ST8SIA2: variants seen among roughly 807,000 people sequenced by gnomAD.
The protein encoded by ST8SIA2 is ST8 alpha-N-acetyl-neuraminide alpha-2,8-sialyltransferase 2.
In ST8SIA2, 22 loss-of-function variants were observed where a neutral mutation model predicts 37.6. That is an observed-to-expected ratio of 0.58 (90% CI 0.42 to 0.83). The LOEUF (loss-of-function observed/expected upper bound fraction) is 0.83, where lower values mean the gene tolerates loss of function less well. ST8SIA2 is among the 40% of genes least tolerant of loss of function. ST8SIA2 has a pLI of 0.00. For missense variants in ST8SIA2, 382 were observed against 484.7 expected (o/e 0.79, Z 1.99); for synonymous variants, 205 against 201.2 (o/e 1.02, Z -0.16).
At position 92,399,213 on chromosome 15, in the gene ST8SIA2, G is replaced by A. The variant is rs929694983; in HGVS notation, c.98+5051G>A. On this transcript the variant is annotated intron_variant, in intron 1 of 5. Coordinates refer to ENST00000268164, the MANE Select transcript of ST8SIA2 (RefSeq NM_006011.4). ...TCAAAAGGGCCTGCCTCGATACTAC[G>A]TGCTGTATATTTGGGCATCTAGGTG... is the stretch of plus-strand genomic sequence containing the variant. 6.2e-4 allele frequency among the ~76,000 whole-genome samples: 94 copies of A among 152,184 alleles called. 1 individual carries two copies. Among genetic ancestry groups the A allele is most frequent in the Non-Finnish European group, 1.3e-4 (9 of 68,040 alleles).
intron 5 of ST8SIA2, among the ~76,000 whole-genome samples, chr15:92,453,819 A>T (rs925268009): frequency 9.9e-5 from 15 of 152,212 alleles, no homozygotes; most frequent in African/African-American, 3.6e-4. Context: ...GGGAATAAAA[A>T]AGTCAATAGA....
intron 5 of ST8SIA2, among the ~76,000 whole-genome samples, chr15:92,461,783 G>A (rs2049959482): frequency 6.6e-6 from 1 of 152,188 alleles, no homozygotes; most frequent in Non-Finnish European, 1.5e-5. Context: ...AAATGCCTGG[G>A]GGGCTACTAG....
At position 92,444,711 on chromosome 15, in the gene ST8SIA2, G is replaced by A. The variant is rs533826176; in HGVS notation, c.624G>A (p.Ser208=). Residue 208 remains serine, a synonymous_variant, in exon 5 of 6, where the codon TCG becomes TCA. Coordinates refer to ENST00000268164, the MANE Select transcript of ST8SIA2 (RefSeq NM_006011.4). Reference sequence around the variant, plus strand: ...CAGACCTGGTAACCATGAACCCCTCGGTCATCCAGCGGGCCTTTGAGGACT... The same window carrying A: ...CAGACCTGGTAACCATGAACCCCTCAGTCATCCAGCGGGCCTTTGAGGACT... ...LKTDLVTMNP[S]VIQRAFEDLV... 184 of 1,614,216 alleles carry A rather than the reference G, an allele frequency of 1.1e-4. 1 individual carries two copies. In the South Asian group the frequency reaches 1.7e-3, roughly 15 times the overall value.
At chr15:92,400,429 G>A (rs1803085410) in intron 1 of ST8SIA2, among the ~76,000 whole-genome samples, 2 of 152,196 alleles carry the variant, frequency 1.3e-5, no homozygotes, top group Admixed American at 6.5e-5. Flanking sequence ...GCTCCCAAAA[G>A]TACATACTAT....
chr15:92,427,226 T>A (rs1397464601), intron 1 of ST8SIA2, among the ~76,000 whole-genome samples: 2 of 147,498 alleles, frequency 1.4e-5, no homozygotes, highest in African/African-American at 5.0e-5. Context: ...GTCTATTATG[T>A]CTTAATAAAG....
Position 92,454,525 on chromosome 15 carries a change from T to G in ST8SIA2, c.843-9575T>G, listed in dbSNP as rs57961494. Among the ~76,000 whole-genome samples the G allele has an allele frequency of 8.5e-3, 1,299 of 152,140 alleles. 24 individuals are homozygous for G. Among genetic ancestry groups the G allele is most frequent in the African/African-American group, 0.028 (1,173 of 41,492 alleles). The stretch of plus-strand genomic sequence containing the variant: ...GATGGCCTCCCTTCCCACTCTGAGA[T>G]TCTCTCATTCAACACATCTGAGTCT... On this transcript the variant is annotated intron_variant, in intron 5 of 5. Coordinates refer to ENST00000268164, the MANE Select transcript of ST8SIA2 (RefSeq NM_006011.4).
intron 4 of ST8SIA2, among the ~76,000 whole-genome samples, chr15:92,439,923 A>G (rs1460991694): frequency 6.6e-6 from 1 of 151,320 alleles, no homozygotes; most frequent in East Asian, 2.0e-4. Flanking sequence ...GATCCTCTCC[A>G]GGAGTGCCCA....
intron 2 of ST8SIA2, among the ~76,000 whole-genome samples, chr15:92,432,746 G>A (rs1017553007): frequency 2.0e-5 from 3 of 152,172 alleles, no homozygotes; most frequent in Non-Finnish European, 4.4e-5. Context: ...TCAGCCAGAA[G>A]GAGTCAGAAA....
rs112273843 is a variant in ST8SIA2 at position 92,443,305 on chromosome 15, A to T, written c.549-1331A>T. Reference sequence around the variant, plus strand: ...CAGACAGCAGCCAGACCTCCCCTGCAGTGCCCTCTGCTGCCATCCCAGTCC... The same window carrying T: ...CAGACAGCAGCCAGACCTCCCCTGCTGTGCCCTCTGCTGCCATCCCAGTCC... On this transcript the variant is annotated intron_variant, in intron 4 of 5. Coordinates refer to ENST00000268164, the MANE Select transcript of ST8SIA2 (RefSeq NM_006011.4). 5.1e-3 allele frequency among the ~76,000 whole-genome samples: 772 copies of T among 152,280 alleles called. 6 individuals carry two copies. Among genetic ancestry groups the T allele is most frequent in the African/African-American group, 0.018 (732 of 41,540 alleles).
intron 1 of ST8SIA2, among the ~76,000 whole-genome samples, chr15:92,424,818 G>T (rs1200604311): frequency 6.6e-6 from 1 of 151,970 alleles, no homozygotes; most frequent in African/African-American, 2.4e-5. Context: ...CACCATGTTG[G>T]CCAGGCTGGT....
chr15:92,448,709 C>G (rs2049860501), intron 5 of ST8SIA2, among the ~76,000 whole-genome samples: 1 of 152,196 alleles, frequency 6.6e-6, no homozygotes, highest in Non-Finnish European at 1.5e-5. Context: ...AGACATAAGA[C>G]TTGTCCTATG....
chr15:92,420,687 C>T (rs541205192), intron 1 of ST8SIA2, among the ~76,000 whole-genome samples: 2 of 152,238 alleles, frequency 1.3e-5, no homozygotes, highest in Middle Eastern at 6.8e-3. Context: ...AAGGAGAGCT[C>T]AGGAGTCATC....
At chr15:92,445,220 C>A in intron 5 of ST8SIA2, 1 of 514,084 alleles carries the variant, frequency 1.9e-6, no homozygotes, top group Non-Finnish European at 3.5e-6. Context: ...TGGGAACAGA[C>A]GCCATGAACA....
intron 4 of ST8SIA2, among the ~76,000 whole-genome samples, chr15:92,439,108 C>T (rs74731574): frequency 0.018 from 2,680 of 152,204 alleles, 70 homozygotes; most frequent in African/African-American, 0.059. Context: ...CATTATCTGG[C>T]GCTTTATAGA....
At chr15:92,457,286 C>G (rs1168589657) in intron 5 of ST8SIA2, among the ~76,000 whole-genome samples, 3 of 152,180 alleles carry the variant, frequency 2.0e-5, no homozygotes, top group African/African-American at 7.2e-5. Flanking sequence ...TTTTGGTCCC[C>G]TTTTCCAACA....
At chr15:92,402,601 T>G (rs1321665630) in intron 1 of ST8SIA2, among the ~76,000 whole-genome samples, 2 of 152,148 alleles carry the variant, frequency 1.3e-5, no homozygotes, top group African/African-American at 4.8e-5. Flanking sequence ...AACCCTGGGA[T>G]GTAGCGATGC....
intron 1 of ST8SIA2, among the ~76,000 whole-genome samples, chr15:92,424,274 T>A (rs1184664298): frequency 1.3e-5 from 2 of 152,214 alleles, no homozygotes; most frequent in Non-Finnish European, 2.9e-5. Flanking sequence ...AGCTAGGAGA[T>A]TCCAACATAC....
chr15:92,438,042 C>T (rs1169011656), intron 3 of ST8SIA2, among the ~76,000 whole-genome samples: 3 of 152,170 alleles, frequency 2.0e-5, no homozygotes, highest in African/African-American at 7.2e-5. Context: ...GCCACCCTTC[C>T]TTCTGGGGCC....
chr15:92,429,903 G>GC (rs2049702641), intron 1 of ST8SIA2, 146 bp from the exon 2 acceptor site: 1 of 847,556 alleles, frequency 1.2e-6, no homozygotes, highest in African/African-American at 1.7e-5. Context: ...CTGGGGCCAG[G>GC]ACTTTGCCCA....
Sources: gnomAD v4.1 joint callset for allele counts (sites outside exome capture counted in the v4.1 genomes callset) on GRCh38, gnomAD v4.1.1 for gene constraint, MANE v1.5 for transcripts, NCBI Gene and HGNC (gene_info 2026-07-23, HGNC 2026-07-21) for gene names.